The following GOLGB1 variants were observed in gnomAD, a reference collection of about 807,000 sequenced individuals.
GOLGB1 encodes golgin B1.
Under a neutral mutation model 336.9 loss-of-function variants are expected in GOLGB1, and 174 were observed. The observed-to-expected ratio is 0.52, with a 90% confidence interval of 0.46 to 0.59. GOLGB1 has a LOEUF of 0.59. Among genes scored for constraint, GOLGB1 ranks in the 20% least tolerant of loss-of-function variants. The probability of loss-of-function intolerance (pLI) is 0.00; values close to 1 mark genes in which losing one functional copy is unlikely to be tolerated. For missense variants in GOLGB1, 3,331 were observed against 3,645.3 expected (o/e 0.91, Z 2.22); for synonymous variants, 1,208 against 1,289.2 (o/e 0.94, Z 1.35).
At chr3:121,747,313 G>GTA (rs988443934) in intron 1 of GOLGB1, among the ~76,000 whole-genome samples, 1 of 140,144 alleles carries the variant, frequency 7.1e-6, no homozygotes, top group South Asian at 2.3e-4. Context: ...ATGTATATAT[G>GTA]TATATATGTG....
At position 121,691,539 on chromosome 3, in the gene GOLGB1, T is replaced by C; in HGVS notation, c.7825A>G (p.Ile2609Val). The C allele has an allele frequency of 3.1e-6, 5 of 1,612,538 alleles. No homozygotes were observed. The highest frequency in any genetic ancestry group is 4.2e-6 in the Non-Finnish European group (5 of 1,179,604). ...GATATAGATACTTTCAAACTCTCAATCTCTTTAGATAAATCTTGTTTCTCT... is the reference window on the plus strand; with the variant it reads ...GATATAGATACTTTCAAACTCTCAACCTCTTTAGATAAATCTTGTTTCTCT... ...QEEKQDLSKE[I>V]ESLKVSISQL... Residue 2609 changes from isoleucine (I) to valine (V), a missense_variant, in exon 14 of 22, where the codon ATT becomes GTT. Ile to Val is a conservative substitution (Grantham distance 29, BLOSUM62 3). Coordinates refer to ENST00000614479, the MANE Select transcript of GOLGB1 (RefSeq NM_001366282.2).
chr3:121,735,347 A>G (rs182545548), intron 1 of GOLGB1, among the ~76,000 whole-genome samples: 83 of 152,334 alleles, frequency 5.4e-4, no homozygotes, highest in African/African-American at 1.9e-3. Flanking sequence ...ACTGTGACAA[A>G]TAGATCTAAC....
In GOLGB1 at chr3:121,694,453, G is replaced by C. The variant is rs1942756164; in HGVS notation, c.6070C>G (p.Gln2024Glu). The C allele has an allele frequency of 6.2e-7, 1 of 1,612,216 alleles. No individual in the cohort carries two copies. Residue 2024 changes from glutamine to glutamate, a missense_variant, in exon 13 of 22, where the codon CAA (glutamine) becomes GAA (glutamate). Coordinates refer to ENST00000614479, the MANE Select transcript of GOLGB1 (RefSeq NM_001366282.2). ...TCCTTCTGTAGCTGCTTTACTTCTT[G>C]TTGTTTTTCTTTTAACAGTTCCTGA... The part of the protein sequence containing the change: ...ELQELLKEKQ[Q>E]EVKQLQKDCI...
In GOLGB1 at chr3:121,715,011, C is replaced by T. The variant is rs759780916; in HGVS notation, c.1289-35G>A. On this transcript the variant is annotated intron_variant, in intron 9 of 21. Coordinates refer to ENST00000614479, the MANE Select transcript of GOLGB1 (RefSeq NM_001366282.2). Reference sequence around the variant, plus strand: ...AGAAAAAAAATAAATGTAATATTTGCTTCAAGTCTGAAATGTAGTTATTAT... The same window carrying T: ...AGAAAAAAAATAAATGTAATATTTGTTTCAAGTCTGAAATGTAGTTATTAT... 4.4e-6 allele frequency: 5 copies of T among 1,146,208 alleles called. No individual in the cohort carries two copies. The East Asian group carries it at 9.4e-5, about 22-fold the overall frequency. The allele number at this position is 1,146,208 out of a possible 1,614,324, so 71.0% of individuals were successfully genotyped here.
chr3:121,667,565 C>G lies in GOLGB1; in HGVS notation c.9465G>C (p.Val3155=). The G allele has an allele frequency of 6.2e-7, 1 of 1,614,052 alleles. No individual in the cohort carries two copies. Among genetic ancestry groups the G allele is most frequent in the Non-Finnish European group, 8.5e-7 (1 of 1,179,906 alleles). ...QQQLCNTRQE[V]NELRKLLEEE... ...CTTCCAGCAGCTTCCTTAATTCATT[C>G]ACTTCCTGTCTGGTGTTGCATAGCT... is the stretch of plus-strand genomic sequence containing the variant. Residue 3155 remains valine, a synonymous_variant, in exon 20 of 22, where the codon GTG becomes GTC. Coordinates refer to ENST00000614479, the MANE Select transcript of GOLGB1 (RefSeq NM_001366282.2).
intron 3 of GOLGB1, among the ~76,000 whole-genome samples, 154 bp downstream of exon 3, chr3:121,729,711 C>T (rs374072245): frequency 5.9e-5 from 9 of 152,024 alleles, no homozygotes; most frequent in Non-Finnish European, 1.2e-4. Flanking sequence ...GCTACCACAC[C>T]GACCCAAAAG....
chr3:121,727,301 TATATATATATATATATATA>T (rs1945712118), intron 4 of GOLGB1, among the ~76,000 whole-genome samples: 1 of 35,654 alleles, frequency 2.8e-5, no homozygotes, highest in Non-Finnish European at 6.4e-5. Flanking sequence ...CACATATATA[TATATATATATATATATATA>T]TTTTTTTTTT....
chr3:121,710,859 C>T (rs1000095570), intron 10 of GOLGB1, among the ~76,000 whole-genome samples: 6 of 143,174 alleles, frequency 4.2e-5, no homozygotes, highest in African/African-American at 1.6e-4. Flanking sequence ...TGTCTCAAAA[C>T]AAAAAAATAA....
chr3:121,692,501 T>C lies in GOLGB1; in HGVS notation c.6863A>G (p.Gln2288Arg), dbSNP rs753069011. Residue 2288 changes from glutamine to arginine, a missense_variant, in exon 14 of 22, where the codon CAG (glutamine) becomes CGG (arginine). Gln to Arg is a conservative substitution (Grantham distance 43). Coordinates refer to ENST00000614479, the MANE Select transcript of GOLGB1 (RefSeq NM_001366282.2). ...QLQQKVCDTL[Q>R]GENKELLSQL... The stretch of plus-strand genomic sequence containing the variant: ...GGACAAAAGTTCTTTGTTTTCCCCC[T>C]GTAGAGTATCACAGACCTTCTGCTG... 2 of 1,613,716 alleles carry C rather than the reference T, an allele frequency of 1.2e-6. No homozygotes were observed. The highest frequency in any genetic ancestry group is 2.7e-5 in the African/African-American group (2 of 74,908).
At chr3:121,729,074 C>T (rs779634560) in intron 4 of GOLGB1, 114 bp downstream of exon 4, 55 of 656,126 alleles carry the variant, frequency 8.4e-5, no homozygotes, top group Non-Finnish European at 1.3e-4. Flanking sequence ...AAAAACAAAA[C>T]ATTATTTAGT....
chr3:121,726,742 T>C (rs1317069519), intron 5 of GOLGB1, among the ~76,000 whole-genome samples, 171 bp downstream of exon 5: 1 of 152,002 alleles, frequency 6.6e-6, no homozygotes, highest in East Asian at 1.9e-4. Flanking sequence ...CAAACACCAA[T>C]GCATATTCTA....
intron 1 of GOLGB1, among the ~76,000 whole-genome samples, chr3:121,740,935 C>G (rs1218376095): frequency 6.6e-6 from 1 of 151,556 alleles, no homozygotes; most frequent in East Asian, 1.9e-4. Context: ...AGTAAAATTA[C>G]TGGACTTAAA....
Position 121,690,719 on chromosome 3 carries a change from T to C in GOLGB1, c.8645A>G (p.Gln2882Arg). The C allele has an allele frequency of 1.3e-6, 2 of 1,535,056 alleles. No individual in the cohort carries two copies. Among genetic ancestry groups the C allele is most frequent in the Non-Finnish European group, 8.7e-7 (1 of 1,147,328 alleles). Reference protein sequence around the residue: ...AQPSTSPAEVQSLKKAMSSLQ... With the variant: ...AQPSTSPAEVRSLKKAMSSLQ... ...TGAAGACATAGCTTTTTTTAAACTC[T>C]GTACTTCAGCTGGGCTGGTGGAAGG... The change falls in exon 14 of 22, where the codon CAG becomes CGG. Residue 2882 changes from glutamine to arginine, a missense_variant. Physicochemically the swap from Gln to Arg is conservative, Grantham distance 43. Coordinates refer to ENST00000614479, the MANE Select transcript of GOLGB1 (RefSeq NM_001366282.2).
intron 7 of GOLGB1, among the ~76,000 whole-genome samples, chr3:121,718,972 T>C (rs753421985): frequency 6.6e-6 from 1 of 152,228 alleles, no homozygotes; most frequent in Non-Finnish European, 1.5e-5. Context: ...ATTAGTATTC[T>C]ACTTAATAAT....
chr3:121,748,896 C>G (rs560185320), intron 1 of GOLGB1: 2 of 984,154 alleles, frequency 2.0e-6, no homozygotes, highest in African/African-American at 3.5e-5. Context: ...AAAGGACTCA[C>G]CCTCCCTTTC....
Position 121,747,150 on chromosome 3 carries a change from TTATATATATATATATATATATATATA to T in GOLGB1, c.-3+2456_-3+2481del, listed in dbSNP as rs548032779. Reference sequence around the variant, plus strand: ...GCCCTAAGATATATATACATGGATGTTATATATATATATATATATATATATATATATATATATATATATGGATGTTA... The same window carrying T: ...GCCCTAAGATATATATACATGGATGTTATATATATATATATATGGATGTTA... On this transcript the variant is annotated intron_variant, in intron 1 of 21. Coordinates refer to ENST00000614479, the MANE Select transcript of GOLGB1 (RefSeq NM_001366282.2). 7.6e-3 allele frequency among the ~76,000 whole-genome samples: 376 copies of T among 49,596 alleles called. 5 individuals carry two copies. In the Middle Eastern group the frequency reaches 0.077, roughly 10 times the overall value. 32.5% of individuals were successfully genotyped at this position (49,596 alleles called of 152,430 possible).
At position 121,702,594 on chromosome 3, in the gene GOLGB1, G is replaced by T; in HGVS notation, c.1406C>A (p.Ala469Glu). The change falls in exon 11 of 22, where the codon GCA becomes GAA. Residue 469 changes from alanine to glutamate, a missense_variant and splice_region_variant. By Grantham distance (107) the Ala-to-Glu change is moderately radical (BLOSUM62 -1). Transcript: ENST00000614479. ...FPDVYNEGTQ[A>E]VTEENIASLQ... ...AGAAGCAATATTCTCCTCAGTGACTGCCTAAATTGTAGAAAGACAACAAAT... is the reference window on the plus strand; with the variant it reads ...AGAAGCAATATTCTCCTCAGTGACTTCCTAAATTGTAGAAAGACAACAAAT... 1 of 1,417,644 alleles carries T rather than the reference G, an allele frequency of 7.1e-7. No homozygotes were observed. Among genetic ancestry groups the T allele is most frequent in the Non-Finnish European group, 9.5e-7 (1 of 1,054,580 alleles). The allele number at this position is 1,417,644 out of a possible 1,614,324, so 87.8% of individuals were successfully genotyped here.
At chr3:121,747,351 GTATATACGTATATATACGTATATGTC>G (rs1455089568) in intron 1 of GOLGB1, among the ~76,000 whole-genome samples, 3 of 135,404 alleles carry the variant, frequency 2.2e-5, no homozygotes, top group Non-Finnish European at 4.6e-5. Flanking sequence ...ATATATATGT[GTATATACGTATATATACGTATATGTC>G]TATATACGTA....
chr3:121,745,183 G>A (rs1037452553), intron 1 of GOLGB1, among the ~76,000 whole-genome samples: 4 of 151,956 alleles, frequency 2.6e-5, no homozygotes, highest in African/African-American at 9.7e-5. Flanking sequence ...CCTCTATTAG[G>A]CTCACTGAGG....
Sources: allele counts gnomAD v4.1 joint callset (sites outside exome capture counted in the v4.1 genomes callset), GRCh38; gene constraint gnomAD v4.1.1; transcripts MANE v1.5; gene names NCBI Gene and HGNC (gene_info 2026-07-23, HGNC 2026-07-21).